Variants in CNNM1 observed in about 807,000 individuals in gnomAD.
The protein encoded by CNNM1 is metal transporter CNNM1.
In CNNM1, 44 loss-of-function variants were observed where a neutral mutation model predicts 78.8. The ratio of observed to expected loss-of-function variants is 0.56; its 90% confidence interval spans 0.44 to 0.72. The LOEUF (loss-of-function observed/expected upper bound fraction) is 0.72, where lower values mean the gene tolerates loss of function less well. Among genes scored for constraint, CNNM1 ranks in the 30% least tolerant of loss-of-function variants. The pLI, the probability that CNNM1 is intolerant of heterozygous loss-of-function variation, is 0.00. For missense variants in CNNM1, 1,101 were observed against 1,292.2 expected, an observed-to-expected ratio of 0.85 and a Z score of 2.27; for synonymous variants, 584 against 581.5, an observed-to-expected ratio of 1.00 and a Z score of -0.06.
intron 6 of CNNM1, among the ~76,000 whole-genome samples, chr10:99,370,250 T>C (rs1219446616): frequency 5.9e-5 from 9 of 152,174 alleles, no homozygotes; most frequent in Admixed American, 5.2e-4. Flanking sequence ...TCCCCCCTTT[T>C]CCATGACTGT....
intron 1 of CNNM1, among the ~76,000 whole-genome samples, chr10:99,344,983 G>C (rs767679525): frequency 1.3e-5 from 2 of 152,182 alleles, no homozygotes; most frequent in Non-Finnish European, 2.9e-5. Context: ...TAACACGTCA[G>C]AGACAGTAAA....
rs1298307256 is a variant in CNNM1, at chr10:99,393,646, C to T, written c.*2130C>T. ...ATCATAAGTGGTCTTTTCAAATGTC[C>T]ATCAATTGATGGGGAAGGCTGGCAC... On this transcript the variant is annotated 3_prime_UTR_variant, in exon 11 of 11. Transcript: ENST00000356713. 1.3e-5 allele frequency: 2 copies of T among 152,348 alleles called. No homozygotes were observed. Among genetic ancestry groups the T allele is most frequent in the Non-Finnish European group, 1.5e-5 (1 of 68,026 alleles). 9.4% of individuals were successfully genotyped at this position (152,348 alleles called of 1,614,324 possible).
chr10:99,374,219 G>T lies in CNNM1; in HGVS notation c.2177-2836G>T, dbSNP rs181762458. Among the ~76,000 whole-genome samples, 17 of 152,176 alleles carry T rather than the reference G, an allele frequency of 1.1e-4. 1 individual carries two copies. In the East Asian group the frequency reaches 2.5e-3, roughly 22 times the overall value. ...TCTGCTTTTTACAATTAATTACCTT[G>T]GTGCTTCATGTTGTTCTCTACATTA... On this transcript the variant is annotated intron_variant, in intron 6 of 10. Coordinates refer to ENST00000356713, the MANE Select transcript of CNNM1 (RefSeq NM_020348.3).
intron 7 of CNNM1, among the ~76,000 whole-genome samples, chr10:99,385,272 T>C (rs2032275104): frequency 6.6e-6 from 1 of 152,146 alleles, no homozygotes; most frequent in African/African-American, 2.4e-5. Flanking sequence ...GCCCCTTCCT[T>C]CTCTCTTCCT....
intron 1 of CNNM1, among the ~76,000 whole-genome samples, chr10:99,351,735 G>A (rs2030958318): frequency 6.6e-6 from 1 of 152,048 alleles, no homozygotes; most frequent in Admixed American, 6.6e-5. Flanking sequence ...CTCACCTGTG[G>A]CAGACCGTTT....
intron 6 of CNNM1, among the ~76,000 whole-genome samples, chr10:99,376,415 T>A (rs931218184): frequency 1.3e-5 from 2 of 152,254 alleles, no homozygotes; most frequent in African/African-American, 4.8e-5. Flanking sequence ...AAAATATTTA[T>A]CCTTTTGGTT....
chr10:99,337,755 TATG>T (rs2030255918), intron 1 of CNNM1, among the ~76,000 whole-genome samples: 1 of 152,196 alleles, frequency 6.6e-6, no homozygotes, highest in Admixed American at 6.5e-5. Flanking sequence ...TAACGATGCA[TATG>T]ACACATAGTA....
chr10:99,391,251 TC>T (rs1564964103), intron 10 of CNNM1, among the ~76,000 whole-genome samples, 185 bp from the exon 11 acceptor site: 1 of 152,212 alleles, frequency 6.6e-6, no homozygotes, highest in Non-Finnish European at 1.5e-5. Context: ...GGAAAGTACG[TC>T]CTAATCTTTC....
chr10:99,357,475 T>C, intron 1 of CNNM1, 37 bp from the exon 2 acceptor site: 1 of 1,585,712 alleles, frequency 6.3e-7, no homozygotes, highest in Non-Finnish European at 8.6e-7. Context: ...TCTGAAAATG[T>C]CCCCGATACT....
intron 9 of CNNM1, among the ~76,000 whole-genome samples, chr10:99,389,207 G>C (rs2032396004): frequency 6.6e-6 from 1 of 152,066 alleles, no homozygotes; most frequent in Non-Finnish European, 1.5e-5. Flanking sequence ...CCTAAGGCTA[G>C]GGGTTCGAGA....
chr10:99,356,596 G>GAAAGAAAGAA, intron 1 of CNNM1, among the ~76,000 whole-genome samples: 1 of 127,704 alleles, frequency 7.8e-6, no homozygotes, highest in South Asian at 2.6e-4. Flanking sequence ...AAGAAAGAAA[G>GAAAGAAAGAA]AAAGAAAGAA....
Position 99,383,221 on chromosome 10 carries a change from T to A in CNNM1, c.2341-4599T>A, listed in dbSNP as rs181890126. Among the ~76,000 whole-genome samples, 174 of 152,262 alleles carry A rather than the reference T, an allele frequency of 1.1e-3. 1 individual carries two copies. The highest frequency in any genetic ancestry group is 3.4e-3 in the Middle Eastern group (1 of 294). ...TTAAATAATAGTGACCAATGCAGGG[T>A]ACTATCTAATTCATTACAAAATTAT... On this transcript the variant is annotated intron_variant, in intron 7 of 10. Transcript: ENST00000356713.
intron 7 of CNNM1, 157 bp downstream of exon 7, chr10:99,377,375 A>T: frequency 1.5e-6 from 1 of 674,194 alleles, no homozygotes; most frequent in Non-Finnish European, 2.5e-6. Context: ...GGCTGTATAA[A>T]GGCTGTTTTC....
intron 1 of CNNM1, among the ~76,000 whole-genome samples, chr10:99,338,586 G>T (rs972185310): frequency 6.6e-6 from 1 of 151,828 alleles, no homozygotes; most frequent in Non-Finnish European, 1.5e-5. Context: ...GTCATATTTT[G>T]CTTTTATAAA....
intron 6 of CNNM1, among the ~76,000 whole-genome samples, chr10:99,365,957 G>A (rs985236180): frequency 7.9e-5 from 12 of 152,162 alleles, no homozygotes; most frequent in Non-Finnish European, 1.6e-4. Flanking sequence ...GTTGGTGACC[G>A]GCCAAGATGC....
intron 1 of CNNM1, among the ~76,000 whole-genome samples, chr10:99,343,371 A>T (rs1209034567): frequency 6.6e-6 from 1 of 152,210 alleles, no homozygotes; most frequent in Non-Finnish European, 1.5e-5. Flanking sequence ...TTATTGGCAA[A>T]TGTTTTTTAA....
intron 6 of CNNM1, among the ~76,000 whole-genome samples, chr10:99,366,546 G>A (rs1589908978): frequency 6.6e-6 from 1 of 152,096 alleles, no homozygotes; most frequent in East Asian, 1.9e-4. Flanking sequence ...CACTTTGGGA[G>A]GCCAGGACGG....
intron 1 of CNNM1, among the ~76,000 whole-genome samples, chr10:99,352,933 TG>T (rs1191849876): frequency 1.3e-5 from 2 of 152,176 alleles, no homozygotes; most frequent in African/African-American, 2.4e-5. Flanking sequence ...TTTTCTCCTA[TG>T]TTTTTTTCTA....
chr10:99,391,365 A>G, intron 10 of CNNM1, 72 bp from the exon 11 acceptor site: 1 of 1,198,480 alleles, frequency 8.3e-7, no homozygotes, highest in Non-Finnish European at 1.2e-6. Flanking sequence ...TTTGAAAAGA[A>G]CTCAGACTGC....
Sources: allele counts gnomAD v4.1 joint callset (sites outside exome capture counted in the v4.1 genomes callset), GRCh38; gene constraint gnomAD v4.1.1; transcripts MANE v1.5; gene names NCBI Gene and HGNC (gene_info 2026-07-23, HGNC 2026-07-21).